The following FBXL4 variants were observed in gnomAD, a reference collection of about 807,000 sequenced individuals.
FBXL4 encodes F-box/LRR-repeat protein 4.
A neutral mutation model predicts 58.9 loss-of-function variants in FBXL4; 40 were observed. The observed-to-expected ratio is 0.68, with a 90% CI of 0.53 to 0.88. The LOEUF (loss-of-function observed/expected upper bound fraction) is 0.88, where lower values mean the gene tolerates loss of function less well. Ranked by LOEUF, FBXL4 falls within the 40% of genes least tolerant of loss-of-function variation. The pLI, the probability that FBXL4 is intolerant of heterozygous loss-of-function variation, is 0.00. For synonymous variants in FBXL4, 263 were observed against 265.5 expected (o/e 0.99, Z 0.09); for missense variants, 676 against 734.4 (o/e 0.92, Z 0.92).
chr6:98,921,699 T>C (rs1772588444), intron 4 of FBXL4, among the ~76,000 whole-genome samples: 2 of 152,190 alleles, frequency 1.3e-5, no homozygotes, highest in Non-Finnish European at 2.9e-5. Context: ...AAATCGTTAC[T>C]TAAGCAACTG....
In FBXL4 at chr6:98,947,731, GGCCCCGGCCCC is replaced by G. The variant is rs1384210122; in HGVS notation, c.-309+64_-309+74del. 6 of 151,354 alleles carry G rather than the reference GGCCCCGGCCCC, an allele frequency of 4.0e-5. No homozygotes were observed. The East Asian group carries it at 1.2e-3, about 29-fold the overall frequency. The allele number at this position is 151,354 out of a possible 1,614,324, so 9.4% of individuals were successfully genotyped here. ...AAAGCGCGGAGCTGCGCGCTGGCTC[GGCCCCGGCCCC>G]GCCCCGGCGCCAAAGGAAGAAGACA... On this transcript the variant is annotated intron_variant, in intron 1 of 9. Coordinates refer to ENST00000369244, the MANE Select transcript of FBXL4 (RefSeq NM_001278716.2).
rs759881738 is a variant in FBXL4 at position 98,873,377 on chromosome 6, T to C, written c.*901A>G. 4 of 149,114 alleles carry C rather than the reference T, an allele frequency of 2.7e-5. No individual in the cohort carries two copies. The highest frequency in any genetic ancestry group is 1.3e-4 in the Admixed American group (2 of 14,872). 9.2% of individuals were successfully genotyped at this position (149,114 alleles called of 1,614,324 possible). On this transcript the variant is annotated 3_prime_UTR_variant, in exon 10 of 10. Transcript: ENST00000369244. ...ATATAATGTGTATATATAATATATA[T>C]CTCCACATTTATGTTTTTTTATATA... is the stretch of plus-strand genomic sequence containing the variant.
chr6:98,896,323 A>G (rs1026242066), intron 7 of FBXL4, among the ~76,000 whole-genome samples: 2 of 152,180 alleles, frequency 1.3e-5, no homozygotes, highest in African/African-American at 4.8e-5. Context: ...TTAAGTGACA[A>G]TGGAGGTGTT....
intron 6 of FBXL4, 135 bp from the exon 7 acceptor site, chr6:98,899,616 G>T (rs1771531544): frequency 8.9e-7 from 1 of 1,123,884 alleles, no homozygotes; most frequent in Non-Finnish European, 1.2e-6. Context: ...AATTTGTTTT[G>T]CTTAAATTCT....
intron 5 of FBXL4, among the ~76,000 whole-genome samples, chr6:98,909,674 G>T (rs138851254): frequency 4.5e-4 from 68 of 152,286 alleles, no homozygotes; most frequent in African/African-American, 1.6e-3. Flanking sequence ...TCCCACTGCT[G>T]CAACAACAGA....
chr6:98,906,851 A>G (rs2128394015), intron 5 of FBXL4, among the ~76,000 whole-genome samples: 1 of 152,212 alleles, frequency 6.6e-6, no homozygotes, highest in East Asian at 1.9e-4. Flanking sequence ...TGACTTTTTA[A>G]TGATCACCAT....
At chr6:98,885,405 T>C (rs1354655827) in intron 7 of FBXL4, among the ~76,000 whole-genome samples, 2 of 152,186 alleles carry the variant, frequency 1.3e-5, no homozygotes, top group Admixed American at 6.5e-5. Flanking sequence ...CTGCCAATTC[T>C]GGGTGTTTCT....
chr6:98,893,940 C>A (rs34694061), intron 7 of FBXL4, among the ~76,000 whole-genome samples: 1 of 152,156 alleles, frequency 6.6e-6, no homozygotes, highest in Non-Finnish European at 1.5e-5. Context: ...TGCAGTGGCA[C>A]AATCACAGCT....
rs1770507469 is a variant in FBXL4, at chr6:98,872,150, T to C, written c.*2128A>G. ...TCACACAAATTTGTAGCTCACACCA[T>C]AGTGCCTGCAGTATTTTTTGGAGTT... is the stretch of plus-strand genomic sequence containing the variant. On this transcript the variant is annotated 3_prime_UTR_variant, in exon 10 of 10. Coordinates refer to ENST00000369244, the MANE Select transcript of FBXL4 (RefSeq NM_001278716.2). The C allele has an allele frequency of 6.6e-6, 1 of 152,206 alleles. No individual in the cohort carries two copies. The highest frequency in any genetic ancestry group is 1.5e-5 in the Non-Finnish European group (1 of 68,030). The allele number at this position is 152,206 out of a possible 1,614,324, so 9.4% of individuals were successfully genotyped here.
intron 6 of FBXL4, among the ~76,000 whole-genome samples, chr6:98,903,434 AT>A (rs1003650307): frequency 2.6e-5 from 4 of 152,072 alleles, no homozygotes; most frequent in Non-Finnish European, 4.4e-5. Context: ...AAGATTTATG[AT>A]TTTACTGGCT....
chr6:98,914,606 C>T (rs1772256174), intron 5 of FBXL4, among the ~76,000 whole-genome samples: 1 of 152,076 alleles, frequency 6.6e-6, no homozygotes, highest in South Asian at 2.1e-4. Flanking sequence ...AGGCCTTTGA[C>T]AAAATTCAAC....
intron 4 of FBXL4, among the ~76,000 whole-genome samples, chr6:98,925,970 T>G (rs1485588541): frequency 6.6e-6 from 1 of 152,122 alleles, no homozygotes; most frequent in Non-Finnish European, 1.5e-5. Context: ...AAAACAGGCT[T>G]GTAGGGAGAA....
intron 4 of FBXL4, among the ~76,000 whole-genome samples, chr6:98,921,651 GC>G (rs1041417054): frequency 1.5e-4 from 23 of 151,866 alleles, no homozygotes; most frequent in African/African-American, 5.3e-4. Context: ...ATGTTTCTTG[GC>G]CCACATGACC....
intron 4 of FBXL4, among the ~76,000 whole-genome samples, chr6:98,919,899 A>G (rs980677488): frequency 5.3e-5 from 8 of 152,208 alleles, no homozygotes; most frequent in Non-Finnish European, 7.3e-5. Flanking sequence ...AACATCTCCA[A>G]GAAACAAGGA....
chr6:98,911,220 C>T (rs549969777), intron 5 of FBXL4, among the ~76,000 whole-genome samples: 2 of 152,336 alleles, frequency 1.3e-5, no homozygotes, highest in African/African-American at 4.8e-5. Context: ...GGAGGCCTAC[C>T]TGCCTCTGTA....
At position 98,916,908 on chromosome 6, in the gene FBXL4, T is replaced by C. The variant is rs866205361; in HGVS notation, c.858+466A>G. On this transcript the variant is annotated intron_variant, in intron 5 of 9. Transcript: ENST00000369244. ...ACCAAAAATTACAGTTAGGAGAATA[T>C]AGAATAGAGTTAGTATAGAAAAAAA... 1.0e-4 allele frequency among the ~76,000 whole-genome samples: 15 copies of C among 147,852 alleles called. 1 individual carries two copies. The Middle Eastern group carries it at 0.014, about 138-fold the overall frequency.
chr6:98,897,777 C>T (rs567625908), intron 7 of FBXL4, among the ~76,000 whole-genome samples: 1 of 152,234 alleles, frequency 6.6e-6, no homozygotes, highest in Admixed American at 6.5e-5. Flanking sequence ...AAAAGGCATC[C>T]TTGCTTTACA....
At chr6:98,901,603 T>G (rs958003199) in intron 6 of FBXL4, among the ~76,000 whole-genome samples, 9 of 152,116 alleles carry the variant, frequency 5.9e-5, no homozygotes, top group Non-Finnish European at 1.0e-4. Flanking sequence ...ATATTGCATA[T>G]TTTTACTCTG....
At chr6:98,936,769 T>C (rs1276941396) in intron 1 of FBXL4, among the ~76,000 whole-genome samples, 2 of 152,182 alleles carry the variant, frequency 1.3e-5, no homozygotes, top group Admixed American at 6.5e-5. Context: ...GTTAAGCTTA[T>C]GGGGAGTAAA....
Sources: gnomAD v4.1 joint callset for allele counts (sites outside exome capture counted in the v4.1 genomes callset) on GRCh38, gnomAD v4.1.1 for gene constraint, MANE v1.5 for transcripts, NCBI Gene and HGNC (gene_info 2026-07-23, HGNC 2026-07-21) for gene names.